GABRB1: variants seen among roughly 807,000 people sequenced by gnomAD.
GABRB1 encodes the protein gamma-aminobutyric acid receptor subunit beta-1.
A neutral mutation model predicts 51.6 loss-of-function variants in GABRB1; 17 were observed. The ratio of observed to expected loss-of-function variants is 0.33; its 90% confidence interval spans 0.23 to 0.49. The LOEUF is 0.49. GABRB1 is among the 20% of genes least tolerant of loss of function. The probability of loss-of-function intolerance (pLI) is 0.99; values close to 1 mark genes in which losing one functional copy is unlikely to be tolerated. For synonymous variants in GABRB1, 247 were observed against 218.9 expected, an observed-to-expected ratio of 1.13 and a Z score of -1.14; for missense variants, 410 against 600.6, an observed-to-expected ratio of 0.68 and a Z score of 3.32.
chr4:47,254,984 A>C (rs1722145901), intron 4 of GABRB1, among the ~76,000 whole-genome samples: 1 of 152,214 alleles, frequency 6.6e-6, no homozygotes, highest in South Asian at 2.1e-4. Context: ...ACCAACTAGA[A>C]CCATACTACA....
chr4:47,425,801 A>G lies in GABRB1; in HGVS notation c.1208A>G (p.Gln403Arg), dbSNP rs761477324. The change falls in exon 9 of 9, where the codon CAG becomes CGG. Residue 403 changes from glutamine (Q) to arginine (R), a missense_variant. By Grantham distance (43) the Gln-to-Arg change is conservative. This residue lies in a region of GABRB1 where 181 missense variants were observed against 195.6 expected (regional missense o/e 0.93). Transcript: ENST00000295454. ...TMYSYDSASI[Q>R]YRKPLSSREA... ...TACTCCTATGACAGCGCCAGCATCCAGTACCGCAAGCCCCTGAGCAGCCGC... is the reference window on the plus strand; with the variant it reads ...TACTCCTATGACAGCGCCAGCATCCGGTACCGCAAGCCCCTGAGCAGCCGC... The G allele has an allele frequency of 2.2e-5, 36 of 1,614,042 alleles. No homozygotes were observed. Among genetic ancestry groups the G allele is most frequent in the Non-Finnish European group, 3.0e-5 (35 of 1,180,022 alleles).
At position 47,184,020 on chromosome 4, in the gene GABRB1, G is replaced by A. The variant is rs111934626; in HGVS notation, c.461+22551G>A. 2.0e-3 allele frequency among the ~76,000 whole-genome samples: 297 copies of A among 151,874 alleles called. 1 individual carries two copies. Among genetic ancestry groups the A allele is most frequent in the African/African-American group, 6.7e-3 (276 of 41,476 alleles). ...ATCTCTTCCTAATTCATCTACATTT[G>A]AGTCCTGTTCACTCAGAATGTCATG... On this transcript the variant is annotated intron_variant, in intron 4 of 8. Transcript: ENST00000295454.
chr4:47,001,304 A>C (rs113294607), intron 1 of GABRB1, among the ~76,000 whole-genome samples: 1 of 151,512 alleles, frequency 6.6e-6, no homozygotes, highest in Admixed American at 6.6e-5. Context: ...CACCACGCCC[A>C]GCTAATTTTT....
chr4:47,354,654 A>G (rs1726483693), intron 5 of GABRB1, among the ~76,000 whole-genome samples: 1 of 152,112 alleles, frequency 6.6e-6, no homozygotes, highest in Non-Finnish European at 1.5e-5. Flanking sequence ...ATTTGTTATT[A>G]AGGTGGATCC....
At chr4:47,009,663 T>A (rs1392076641) in intron 1 of GABRB1, among the ~76,000 whole-genome samples, 1 of 152,196 alleles carries the variant, frequency 6.6e-6, no homozygotes, top group Non-Finnish European at 1.5e-5. Context: ...GTGGATTATC[T>A]CCAAAGGTAC....
chr4:47,257,905 C>T (rs1722277723), intron 4 of GABRB1, among the ~76,000 whole-genome samples: 1 of 151,928 alleles, frequency 6.6e-6, no homozygotes, highest in Admixed American at 6.6e-5. Flanking sequence ...CTGCCTCCCC[C>T]TTTCATCAGC....
chr4:47,031,539 TGAGC>T, upstream of GABRB1: 2 of 830,052 alleles, frequency 2.4e-6, no homozygotes, highest in Non-Finnish European at 4.1e-6. Flanking sequence ...CTTTTGGTAG[TGAGC>T]GCGCTCTGCG....
At chr4:47,272,244 C>T (rs1193990649) in intron 4 of GABRB1, among the ~76,000 whole-genome samples, 2 of 152,128 alleles carry the variant, frequency 1.3e-5, no homozygotes, top group East Asian at 1.9e-4. Flanking sequence ...AGTTGAGTTA[C>T]TTCAACTATG....
At chr4:47,112,234 T>C (rs1236973645) in intron 3 of GABRB1, among the ~76,000 whole-genome samples, 1 of 152,180 alleles carries the variant, frequency 6.6e-6, no homozygotes. Flanking sequence ...AAGATTGTCC[T>C]GAATCCCTAC....
At chr4:47,210,226 C>G (rs1480737419) in intron 4 of GABRB1, among the ~76,000 whole-genome samples, 2 of 152,032 alleles carry the variant, frequency 1.3e-5, no homozygotes, top group African/African-American at 2.4e-5. Flanking sequence ...ATTATGTGCT[C>G]CAGGTTTTTG....
At chr4:47,105,674 C>A (rs948726671) in intron 3 of GABRB1, among the ~76,000 whole-genome samples, 3 of 152,032 alleles carry the variant, frequency 2.0e-5, no homozygotes, top group African/African-American at 7.2e-5. Context: ...GGCTTTTGTT[C>A]AGGACGGGAA....
At chr4:47,147,154 A>G (rs963952724) in intron 3 of GABRB1, among the ~76,000 whole-genome samples, 1 of 152,088 alleles carries the variant, frequency 6.6e-6, no homozygotes, top group Non-Finnish European at 1.5e-5. Flanking sequence ...TTTACCATTT[A>G]TGTCTCTACT....
At chr4:47,201,273 C>A (rs777539391) in intron 4 of GABRB1, among the ~76,000 whole-genome samples, 2 of 151,904 alleles carry the variant, frequency 1.3e-5, no homozygotes, top group Non-Finnish European at 1.5e-5. Context: ...AATAAGAAAC[C>A]AAAGTTCAAA....
intron 4 of GABRB1, among the ~76,000 whole-genome samples, chr4:47,194,133 A>G (rs916964368): frequency 2.0e-5 from 3 of 152,124 alleles, no homozygotes; most frequent in African/African-American, 7.2e-5. Flanking sequence ...TACTGCTTTT[A>G]TTTCCTGCAA....
At chr4:47,351,754 G>T (rs1426036994) in intron 5 of GABRB1, among the ~76,000 whole-genome samples, 1 of 151,386 alleles carries the variant, frequency 6.6e-6, no homozygotes, top group South Asian at 2.1e-4. Context: ...ATTTTTTATG[G>T]CTGCATAGTA....
At chr4:47,315,628 C>T (rs1407609406) in intron 4 of GABRB1, among the ~76,000 whole-genome samples, 1 of 151,930 alleles carries the variant, frequency 6.6e-6, no homozygotes, top group Non-Finnish European at 1.5e-5. Flanking sequence ...ATGGAGTCAA[C>T]CTAAGTGCCC....
At chr4:47,181,266 G>A (rs1168759519) in intron 4 of GABRB1, among the ~76,000 whole-genome samples, 1 of 151,862 alleles carries the variant, frequency 6.6e-6, no homozygotes, top group Non-Finnish European at 1.5e-5. Context: ...CTTAATGTTT[G>A]TTTTAGTTCA....
upstream of GABRB1, among the ~76,000 whole-genome samples, chr4:47,028,276 A>G (rs923047038): frequency 2.0e-5 from 3 of 151,754 alleles, no homozygotes; most frequent in African/African-American, 7.2e-5. Context: ...AGCACATCAT[A>G]AAGAATGAGG....
chr4:47,239,181 A>T (rs1053793143), intron 4 of GABRB1, among the ~76,000 whole-genome samples: 4 of 152,186 alleles, frequency 2.6e-5, no homozygotes, highest in Non-Finnish European at 5.9e-5. Context: ...TAACTATCTC[A>T]ATCAAGATAC....
Sources: gnomAD v4.1 joint callset for allele counts (sites outside exome capture counted in the v4.1 genomes callset) on GRCh38, gnomAD v4.1.1 for gene constraint, gnomAD v4.1.1 regional missense constraint, MANE v1.5 for transcripts, NCBI Gene and HGNC (gene_info 2026-07-23, HGNC 2026-07-21) for gene names.